The following PARL variants were observed in gnomAD, a reference collection of about 807,000 sequenced individuals.
PARL encodes presenilin-associated rhomboid-like protein, mitochondrial.
PARL carries 44 observed loss-of-function variants against 51.6 expected under a neutral mutation model. That is an observed-to-expected ratio of 0.85 (90% CI 0.67 to 1.10). The LOEUF (loss-of-function observed/expected upper bound fraction) is 1.10. PARL is among the 50% of genes least tolerant of loss of function. The pLI, the probability that PARL is intolerant of heterozygous loss-of-function variation, is 0.00. For synonymous variants in PARL, 172 were observed against 164.0 expected (o/e 1.05, Z -0.37); for missense variants, 441 against 469.5 (o/e 0.94, Z 0.56).
chr3:183,882,354 T>TATATGCACATATATACAC (rs1734648123), intron 1 of PARL, among the ~76,000 whole-genome samples: 2 of 144,406 alleles, frequency 1.4e-5, no homozygotes, highest in African/African-American at 5.2e-5. Flanking sequence ...CATATATACA[T>TATATGCACATATATACAC]ATATGCACAT....
chr3:183,852,166 A>T (rs551484041), intron 4 of PARL, among the ~76,000 whole-genome samples: 1 of 152,328 alleles, frequency 6.6e-6, no homozygotes, highest in South Asian at 2.1e-4. Context: ...CAAAAAAATT[A>T]AAAACAGTAT....
rs1729332353 is a variant in PARL, at chr3:183,841,711, G to A, written c.757+587C>T. ...CACGTTAGCAGCATCTAGGGACCTG[G>A]ATTCATGCATGAGAATTTCCTAACT... On this transcript the variant is annotated intron_variant, in intron 6 of 9. Coordinates refer to ENST00000317096, the MANE Select transcript of PARL (RefSeq NM_018622.7). Among the ~76,000 whole-genome samples, 3 of 152,302 alleles carry A rather than the reference G, an allele frequency of 2.0e-5. No homozygotes were observed. In the East Asian group the frequency reaches 5.8e-4, roughly 29 times the overall value.
At chr3:183,830,260 C>T (rs1173553064) in intron 9 of PARL, among the ~76,000 whole-genome samples, 1 of 152,244 alleles carries the variant, frequency 6.6e-6, no homozygotes, top group African/African-American at 2.4e-5. Context: ...CACAGCCTAA[C>T]TGCGGCCTGA....
chr3:183,866,889 A>G (rs1202945867), intron 2 of PARL, 124 bp from the exon 3 acceptor site: 1 of 728,776 alleles, frequency 1.4e-6, no homozygotes, highest in Non-Finnish European at 2.3e-6. Flanking sequence ...TACTTGGCAC[A>G]GTGAAACCTA....
At chr3:183,860,842 G>C (rs916798190) in intron 4 of PARL, among the ~76,000 whole-genome samples, 76 of 137,358 alleles carry the variant, frequency 5.5e-4, no homozygotes, top group Non-Finnish European at 9.0e-4. Flanking sequence ...TTGAGACAGA[G>C]TCTCGCTCTG....
rs1246319767 is a variant in PARL, at chr3:183,829,453, G to A, written c.*145C>T. ...CATCATTCACATTCTAAAAAGACAC[G>A]GACTGGGGGACACAGCTGAAAACAG... On this transcript the variant is annotated 3_prime_UTR_variant, in exon 10 of 10. Transcript: ENST00000317096. The A allele has an allele frequency of 1.0e-5, 16 of 1,595,846 alleles. No individual in the cohort carries two copies. The highest frequency in any genetic ancestry group is 4.0e-5 in the African/African-American group (3 of 74,524).
chr3:183,837,168 C>A (rs1728713021), intron 7 of PARL, among the ~76,000 whole-genome samples: 1 of 152,140 alleles, frequency 6.6e-6, no homozygotes, highest in South Asian at 2.1e-4. Context: ...CAGCTAAAGA[C>A]CCTGGGTGTT....
chr3:183,850,815 T>C (rs1267587475), intron 4 of PARL, among the ~76,000 whole-genome samples: 1 of 152,202 alleles, frequency 6.6e-6, no homozygotes, highest in East Asian at 1.9e-4. Flanking sequence ...GTCACAGGAA[T>C]GCCAGCTTGG....
intron 4 of PARL, among the ~76,000 whole-genome samples, chr3:183,857,291 T>G (rs1469683447): frequency 1.3e-5 from 2 of 152,206 alleles, no homozygotes; most frequent in Non-Finnish European, 2.9e-5. Flanking sequence ...TGCTGGTAAT[T>G]TCCATTTATC....
chr3:183,877,079 T>C (rs1349085715), intron 1 of PARL, among the ~76,000 whole-genome samples: 1 of 152,036 alleles, frequency 6.6e-6, no homozygotes, highest in African/African-American at 2.4e-5. Context: ...CTGGGCATGG[T>C]GGTGGGTGCC....
At chr3:183,844,645 A>T (rs1477918920) in intron 4 of PARL, 1 of 268,262 alleles carries the variant, frequency 3.7e-6, no homozygotes, top group African/African-American at 2.2e-5. Context: ...ATTGTCTATA[A>T]TAGCCAAACC....
chr3:183,866,062 T>C (rs922290354), intron 3 of PARL, among the ~76,000 whole-genome samples: 4 of 151,962 alleles, frequency 2.6e-5, no homozygotes, highest in African/African-American at 9.7e-5. Flanking sequence ...GTATTTTCAG[T>C]AGAGATGGGA....
chr3:183,856,071 A>T (rs1457628536), intron 4 of PARL, among the ~76,000 whole-genome samples: 1 of 152,060 alleles, frequency 6.6e-6, no homozygotes. Context: ...GTCCCTGCCC[A>T]GGGCTGGGAA....
chr3:183,834,625 T>C (rs57672097), intron 7 of PARL, among the ~76,000 whole-genome samples: 17 of 152,238 alleles, frequency 1.1e-4, no homozygotes, highest in African/African-American at 4.1e-4. Context: ...GGGATGAATA[T>C]GTCCATGATC....
At chr3:183,871,539 G>A (rs12637478) in intron 1 of PARL, among the ~76,000 whole-genome samples, 1 of 148,126 alleles carries the variant, frequency 6.8e-6, no homozygotes, top group Non-Finnish European at 1.5e-5. Context: ...AAAAGGCTTG[G>A]GGGGGAGGGG....
chr3:183,846,513 A>G (rs549025825), intron 4 of PARL: 1 of 984,150 alleles, frequency 1.0e-6, no homozygotes, highest in Admixed American at 6.2e-5. Flanking sequence ...AAGCGGGGGG[A>G]AAGATAACCA....
chr3:183,869,084 T>C (rs974984394), intron 1 of PARL, among the ~76,000 whole-genome samples: 8 of 152,354 alleles, frequency 5.3e-5, no homozygotes, highest in Admixed American at 2.0e-4. Context: ...CCTTTTCCTC[T>C]ACCCCATTCA....
chr3:183,871,517 CAAAA>C (rs10718782), intron 1 of PARL, among the ~76,000 whole-genome samples: 2 of 87,880 alleles, frequency 2.3e-5, no homozygotes, highest in Non-Finnish European at 2.2e-5. Flanking sequence ...TACACTTGGC[CAAAA>C]AAAAAAAAAA....
At chr3:183,842,163 C>T (rs987119486) in intron 6 of PARL, 135 bp downstream of exon 6, 1 of 923,866 alleles carries the variant, frequency 1.1e-6, no homozygotes, top group Non-Finnish European at 1.8e-6. Flanking sequence ...CCCTTCTCTA[C>T]ATACACTGTG....
Sources: allele counts gnomAD v4.1 joint callset (sites outside exome capture counted in the v4.1 genomes callset), GRCh38; gene constraint gnomAD v4.1.1; transcripts MANE v1.5; gene names NCBI Gene and HGNC (gene_info 2026-07-23, HGNC 2026-07-21).